ECM2: variants seen among roughly 807,000 people sequenced by gnomAD.
ECM2 encodes the protein extracellular matrix protein 2, also known as extracellular matrix protein 2, female organ and adipocyte specific.
A neutral mutation model predicts 67.5 loss-of-function variants in ECM2; 57 were observed. That is an observed-to-expected ratio of 0.84 (90% CI 0.68 to 1.05). The LOEUF is 1.05. Ranked by LOEUF, ECM2 falls within the 50% of genes least tolerant of loss-of-function variation. ECM2 has a pLI of 0.00. For synonymous variants in ECM2, 258 were observed against 294.5 expected (o/e 0.88, Z 1.27); for missense variants, 741 against 822.8 (o/e 0.90, Z 1.22).
Position 92,514,695 on chromosome 9 carries a change from G to A in ECM2, c.990C>T (p.Ile330=). ...GTGGTATCTGGGTAAGCATGGCGTT[G>A]ATGCAGCTGATGGTCCTGTAGGACA... ...CSLSYRTISC[I]NAMLTQIPPL... is the part of the protein sequence containing the mutation. Residue 330 remains isoleucine, a synonymous_variant, in exon 4 of 10, where the codon ATC becomes ATT. Transcript: ENST00000344604. 6.2e-7 allele frequency: 1 copy of A among 1,612,576 alleles called. No homozygotes were observed. The highest frequency in any genetic ancestry group is 8.5e-7 in the Non-Finnish European group (1 of 1,178,930).
chr9:92,495,988 C>A lies in ECM2; in HGVS notation c.*327G>T, dbSNP rs1250917822. 3 of 994,154 alleles carry A rather than the reference C, an allele frequency of 3.0e-6. No homozygotes were observed. The African/African-American group carries it at 5.2e-5, about 17-fold the overall frequency. 61.6% of individuals were successfully genotyped at this position (994,154 alleles called of 1,614,324 possible). A position where few individuals can be genotyped will look rare whatever the true frequency, so the allele number is the denominator to read the frequency against. On this transcript the variant is annotated 3_prime_UTR_variant, in exon 10 of 10. Coordinates refer to ENST00000344604, the MANE Select transcript of ECM2 (RefSeq NM_001393.4). ...GACTTACAGAGTTCTCAGCTAACAC[C>A]AGTATTCAAGTTGATTATAAAGGCT...
the ECM2 span, among the ~76,000 whole-genome samples, chr9:92,543,353 G>T: frequency 6.6e-6 from 1 of 151,376 alleles, no homozygotes; most frequent in African/African-American, 2.4e-5. Context: ...CGTACCTGTA[G>T]TCTCAGCTAC....
chr9:92,528,874 A>G (rs1467594662), intron 1 of ECM2, among the ~76,000 whole-genome samples: 1 of 152,238 alleles, frequency 6.6e-6, no homozygotes, highest in Non-Finnish European at 1.5e-5. Flanking sequence ...GTTGACCCAT[A>G]ATGGGAAAAA....
At chr9:92,540,142 G>A (rs1418700981), upstream of ECM2, among the ~76,000 whole-genome samples, 1 of 152,194 alleles carries the variant, frequency 6.6e-6, no homozygotes, top group African/African-American at 2.4e-5. Flanking sequence ...ATTGAAGTAA[G>A]AAAGAAATGA....
chr9:92,543,712 T>C, the ECM2 span, among the ~76,000 whole-genome samples: 1 of 152,292 alleles, frequency 6.6e-6, no homozygotes, highest in South Asian at 2.1e-4. Context: ...ACTTATGTCT[T>C]AAGTTTCTTT....
Position 92,500,830 on chromosome 9 carries a change from G to A in ECM2, c.1828C>T (p.Leu610=). The A allele has an allele frequency of 6.2e-7, 1 of 1,614,150 alleles. No homozygotes were observed. Among genetic ancestry groups the A allele is most frequent in the Non-Finnish European group, 8.5e-7 (1 of 1,180,016 alleles). The change falls in exon 9 of 10, where the codon CTG becomes TTG. Residue 610 remains leucine (L), a synonymous_variant. Transcript: ENST00000344604. ...RVSFYGAYHS[L]RELFLDHNDL... Reference sequence around the variant, plus strand: ...TTGTGATCCAGAAATAATTCTCTCAGAGAATGATATGCCCCATAGAAGGAG... The same window carrying A: ...TTGTGATCCAGAAATAATTCTCTCAAAGAATGATATGCCCCATAGAAGGAG...
intron 1 of ECM2, among the ~76,000 whole-genome samples, chr9:92,525,218 T>C (rs776996432): frequency 2.6e-5 from 4 of 151,780 alleles, no homozygotes; most frequent in Non-Finnish European, 5.9e-5. Flanking sequence ...CTCAGGAGGC[T>C]GAGGCAGGAG....
At chr9:92,521,426 G>A (rs72754434) in intron 2 of ECM2, among the ~76,000 whole-genome samples, 1 of 151,902 alleles carries the variant, frequency 6.6e-6, no homozygotes, top group Non-Finnish European at 1.5e-5. Flanking sequence ...CAATCATGTT[G>A]TAAGTGTGGC....
At chr9:92,532,254 T>TC (rs1236829344) in intron 1 of ECM2, among the ~76,000 whole-genome samples, 1 of 151,964 alleles carries the variant, frequency 6.6e-6, no homozygotes, top group East Asian at 1.9e-4. Flanking sequence ...GTAATTTTTT[T>TC]TCTCTCACTG....
rs192588294 is a variant in ECM2, at chr9:92,533,173, G to A, written c.-28+2760C>T. 4.7e-3 allele frequency among the ~76,000 whole-genome samples: 702 copies of A among 150,112 alleles called. 4 individuals are homozygous for A. Among genetic ancestry groups the A allele is most frequent in the African/African-American group, 0.015 (595 of 40,892 alleles). ...AAATTAGCTGGGTGTGGTGGCACGC[G>A]CGTGTAGTCCCAGATACTCAGGAAG... On this transcript the variant is annotated intron_variant, in intron 1 of 9. Coordinates refer to ENST00000344604, the MANE Select transcript of ECM2 (RefSeq NM_001393.4).
chr9:92,521,508 A>G (rs1295001316), intron 2 of ECM2, among the ~76,000 whole-genome samples: 7 of 152,202 alleles, frequency 4.6e-5, no homozygotes, highest in African/African-American at 1.7e-4. Context: ...ACGAAGAAGC[A>G]TTTAGCTGTA....
At position 92,535,982 on chromosome 9, in the gene ECM2, G is replaced by T. The variant is rs888549476; in HGVS notation, c.-77C>A. 5.9e-6 allele frequency: 3 copies of T among 512,632 alleles called. No individual in the cohort carries two copies. Among genetic ancestry groups the T allele is most frequent in the Middle Eastern group, 3.3e-4 (1 of 3,072 alleles). The allele number at this position is 512,632 out of a possible 1,614,324, so 31.8% of individuals were successfully genotyped here. On this transcript the variant is annotated 5_prime_UTR_variant, in exon 1 of 10. It adds an upstream start codon to the 5' untranslated region. Coordinates refer to ENST00000344604, the MANE Select transcript of ECM2 (RefSeq NM_001393.4). The stretch of plus-strand genomic sequence containing the variant: ...TTGCTTGGTGTCATTTAAGTCTCCA[G>T]CTGAAAATGAAACAAAATCAGAGCT...
At chr9:92,502,769 C>A in intron 7 of ECM2, 117 bp from the exon 8 acceptor site, 6 of 763,564 alleles carry the variant, frequency 7.9e-6, no homozygotes, top group Non-Finnish European at 7.6e-6. Flanking sequence ...AAGAGTCTTA[C>A]TGCTCTTTCA....
intron 9 of ECM2, 48 bp downstream of exon 9, chr9:92,500,679 T>C (rs751594328): frequency 1.3e-6 from 2 of 1,543,146 alleles, no homozygotes; most frequent in Admixed American, 1.8e-5. Context: ...TTATCATATA[T>C]TTTGCCAACC....
the ECM2 span, among the ~76,000 whole-genome samples, chr9:92,545,181 G>C: frequency 6.6e-6 from 1 of 152,182 alleles, no homozygotes; most frequent in Non-Finnish European, 1.5e-5. Flanking sequence ...CTGTGCTGTG[G>C]GAGCTCCTTC....
At chr9:92,525,863 C>A (rs896524216) in intron 1 of ECM2, among the ~76,000 whole-genome samples, 6 of 131,238 alleles carry the variant, frequency 4.6e-5, no homozygotes, top group African/African-American at 1.8e-4. Context: ...TATGCACCAC[C>A]ATGCCCAGAG....
the ECM2 span, among the ~76,000 whole-genome samples, chr9:92,550,514 T>A: frequency 4.6e-5 from 7 of 152,250 alleles, no homozygotes; most frequent in South Asian, 1.5e-3. Context: ...CTGTAAGATA[T>A]GACAATTGAT....
intron 1 of ECM2, among the ~76,000 whole-genome samples, chr9:92,524,567 C>G (rs1313952785): frequency 6.6e-6 from 1 of 152,144 alleles, no homozygotes; most frequent in Non-Finnish European, 1.5e-5. Context: ...AGCTGAGAAA[C>G]ACACACATAC....
chr9:92,542,534 G>A, the ECM2 span, among the ~76,000 whole-genome samples: 3 of 148,740 alleles, frequency 2.0e-5, no homozygotes, highest in Non-Finnish European at 3.0e-5. Flanking sequence ...ATGGAGTCTC[G>A]CTCTGTCTCA....
Sources: allele counts gnomAD v4.1 joint callset (sites outside exome capture counted in the v4.1 genomes callset), GRCh38; gene constraint gnomAD v4.1.1; transcripts MANE v1.5; gene names NCBI Gene and HGNC (gene_info 2026-07-23, HGNC 2026-07-21).